The following CFAP97 variants were observed in gnomAD, a reference collection of about 807,000 sequenced individuals.
The protein encoded by CFAP97 is cilia and flagella associated protein 97.
CFAP97 carries 36 observed loss-of-function variants against 43.1 expected under a neutral mutation model. The observed-to-expected ratio is 0.84, with a 90% CI of 0.64 to 1.10. The LOEUF (loss-of-function observed/expected upper bound fraction) is 1.10. Ranked by LOEUF, CFAP97 falls within the 50% of genes least tolerant of loss-of-function variation. CFAP97 has a pLI of 0.00. For synonymous variants in CFAP97, 228 were observed against 225.7 expected, an observed-to-expected ratio of 1.01 and a Z score of -0.09; for missense variants, 657 against 620.3, an observed-to-expected ratio of 1.06 and a Z score of -0.63.
upstream of CFAP97, chr4:185,210,236 C>T: frequency 1.0e-6 from 1 of 984,966 alleles, no homozygotes; most frequent in Non-Finnish European, 1.2e-6. This position sits in a 1 kb window ranked among gnomAD's most constrained non-coding sequence, Gnocchi z 4.4. Flanking sequence ...GCGACCTCAG[C>T]CGCCCGCCGC....
intron 1 of CFAP97, among the ~76,000 whole-genome samples, chr4:185,200,219 C>T (rs987005331): frequency 1.3e-5 from 2 of 152,144 alleles, no homozygotes; most frequent in East Asian, 1.9e-4. Context: ...AGAAATGGCA[C>T]GGGAACTAGA....
chr4:185,192,069 C>G (rs1256684508), intron 1 of CFAP97, among the ~76,000 whole-genome samples: 1 of 152,182 alleles, frequency 6.6e-6, no homozygotes. Context: ...TCAGGACTTG[C>G]TGTCTTTGTC....
intron 3 of CFAP97, among the ~76,000 whole-genome samples, chr4:185,172,668 G>A (rs1453576379): frequency 1.3e-5 from 2 of 152,092 alleles, no homozygotes; most frequent in Non-Finnish European, 1.5e-5. Flanking sequence ...GTCTCTGTGT[G>A]CTGAACATAT....
intron 3 of CFAP97, among the ~76,000 whole-genome samples, chr4:185,174,108 C>T (rs181944793): frequency 6.6e-6 from 1 of 152,296 alleles, no homozygotes; most frequent in African/African-American, 2.4e-5. Context: ...TTTTACTCTT[C>T]TGTAACTACA....
At chr4:185,189,927 T>C (rs1161114370) in intron 2 of CFAP97, among the ~76,000 whole-genome samples, 1 of 152,212 alleles carries the variant, frequency 6.6e-6, no homozygotes, top group Non-Finnish European at 1.5e-5. Context: ...AAAATAAAAT[T>C]TGTATTATAC....
intron 2 of CFAP97, among the ~76,000 whole-genome samples, chr4:185,185,159 C>T (rs754665512): frequency 2.6e-5 from 4 of 152,150 alleles, no homozygotes; most frequent in South Asian, 2.1e-4. Flanking sequence ...CTTTTTAACA[C>T]GTTTCCCATT....
In CFAP97 at chr4:185,190,967, G is replaced by A; in HGVS notation, c.230C>T (p.Pro77Leu). The change falls in exon 2 of 5, where the codon CCA becomes CTA. Residue 77 changes from proline to leucine, a missense_variant. By Grantham distance (98) the Pro-to-Leu change is moderately conservative. Coordinates refer to ENST00000458385, the MANE Select transcript of CFAP97 (RefSeq NM_020827.3). The part of the protein sequence containing the change: ...KGNERNVKFP[P>L]EHPVENDVTQ... ...AACATCATTCTCTACGGGGTGTTCT[G>A]GGGGAAATTTCACGTTTCTTTCATT... 6.2e-7 allele frequency: 1 copy of A among 1,613,534 alleles called. No homozygotes were observed. Among genetic ancestry groups the A allele is most frequent in the Non-Finnish European group, 8.5e-7 (1 of 1,179,628 alleles).
intron 2 of CFAP97, among the ~76,000 whole-genome samples, chr4:185,180,671 C>A (rs1196177585): frequency 6.6e-6 from 1 of 152,028 alleles, no homozygotes; most frequent in East Asian, 1.9e-4. Context: ...AACTACCCAA[C>A]CACCCACTTG....
intron 1 of CFAP97, among the ~76,000 whole-genome samples, chr4:185,196,158 T>C (rs896649891): frequency 1.3e-5 from 2 of 152,148 alleles, no homozygotes; most frequent in Admixed American, 6.5e-5. Context: ...ACTGACGAAG[T>C]AGAACACAGT....
chr4:185,194,683 G>C (rs922918846), intron 1 of CFAP97, among the ~76,000 whole-genome samples: 3 of 152,140 alleles, frequency 2.0e-5, no homozygotes, highest in Non-Finnish European at 4.4e-5. Flanking sequence ...GCATACCACT[G>C]TGCCCAGCTT....
At chr4:185,188,042 G>T (rs559665551) in intron 2 of CFAP97, among the ~76,000 whole-genome samples, 2 of 151,784 alleles carry the variant, frequency 1.3e-5, no homozygotes, top group African/African-American at 4.8e-5. Flanking sequence ...GACTATAGGC[G>T]CCTGCCACCA....
intron 2 of CFAP97, among the ~76,000 whole-genome samples, chr4:185,180,275 G>C (rs918513217): frequency 2.0e-5 from 3 of 152,072 alleles, no homozygotes; most frequent in African/African-American, 7.3e-5. Flanking sequence ...AAAATACACG[G>C]AACACAAAAT....
At chr4:185,180,121 T>C (rs574044132) in intron 2 of CFAP97, among the ~76,000 whole-genome samples, 34 of 152,308 alleles carry the variant, frequency 2.2e-4, no homozygotes, top group African/African-American at 7.7e-4. Flanking sequence ...CTTATTTTCA[T>C]TCTTCCTATA....
chr4:185,182,784 A>G (rs1000104312), intron 2 of CFAP97, among the ~76,000 whole-genome samples: 1 of 152,132 alleles, frequency 6.6e-6, no homozygotes, highest in African/African-American at 2.4e-5. Flanking sequence ...TTAATATTTT[A>G]TAGTTCAAAT....
At chr4:185,192,733 C>CTTTTTTTTTTTTTTTTTTTTTTTT (rs760026667) in intron 1 of CFAP97, among the ~76,000 whole-genome samples, 8 of 81,418 alleles carry the variant, frequency 9.8e-5, no homozygotes, top group African/African-American at 3.3e-4. Flanking sequence ...AATTGACCTT[C>CTTTTTTTTTTTTTTTTTTTTTTTT]TTTTTTTTTT....
chr4:185,194,636 T>C (rs1736458425), intron 1 of CFAP97, among the ~76,000 whole-genome samples: 4 of 152,184 alleles, frequency 2.6e-5, no homozygotes. Context: ...CAAGTGATCC[T>C]CCCACCTCAG....
intron 1 of CFAP97, among the ~76,000 whole-genome samples, chr4:185,200,604 C>T (rs1303003411): frequency 6.6e-6 from 1 of 151,666 alleles, no homozygotes; most frequent in Non-Finnish European, 1.5e-5. Context: ...GCTTGCGTCA[C>T]GGCACTCCAG....
At chr4:185,202,575 C>G (rs1736916973) in intron 1 of CFAP97, among the ~76,000 whole-genome samples, 1 of 148,520 alleles carries the variant, frequency 6.7e-6, no homozygotes, top group Non-Finnish European at 1.5e-5. Flanking sequence ...AAAAAATCAC[C>G]GGGTTTCAAC....
At chr4:185,179,524 C>A (rs896422557) in intron 2 of CFAP97, among the ~76,000 whole-genome samples, 1 of 152,094 alleles carries the variant, frequency 6.6e-6, no homozygotes, top group South Asian at 2.1e-4. Flanking sequence ...TGCTTAGAAT[C>A]CTGAGCCACC....
Sources: allele counts gnomAD v4.1 joint callset (sites outside exome capture counted in the v4.1 genomes callset), GRCh38; gene constraint gnomAD v4.1.1; non-coding constraint Gnocchi (gnomAD v3.1); transcripts MANE v1.5; gene names NCBI Gene and HGNC (gene_info 2026-07-23, HGNC 2026-07-21).